The following LRMDA variants were observed in gnomAD, a reference collection of about 807,000 sequenced individuals.
LRMDA encodes leucine rich melanocyte differentiation associated.
A neutral mutation model predicts 29.8 loss-of-function variants in LRMDA; 18 were observed. The ratio of observed to expected loss-of-function variants is 0.60; its 90% CI spans 0.42 to 0.90. The LOEUF (loss-of-function observed/expected upper bound fraction) is 0.90. Ranked by LOEUF, LRMDA falls within the 40% of genes least tolerant of loss-of-function variation. LRMDA has a pLI of 0.00. For missense variants in LRMDA, 273 were observed against 273.9 expected, an observed-to-expected ratio of 1.00 and a Z score of 0.02; for synonymous variants, 125 against 109.4, an observed-to-expected ratio of 1.14 and a Z score of -0.89.
chr10:75,827,739 C>T (rs780422752), intron 2 of LRMDA, among the ~76,000 whole-genome samples: 4 of 152,220 alleles, frequency 2.6e-5, no homozygotes, highest in East Asian at 1.9e-4. Flanking sequence ...GCAGAATGTA[C>T]GTTATCCATC....
intron 2 of LRMDA, among the ~76,000 whole-genome samples, chr10:75,818,238 T>C (rs1183636020): frequency 1.3e-5 from 2 of 151,900 alleles, no homozygotes; most frequent in African/African-American, 2.4e-5. Flanking sequence ...AGGGGGTTTG[T>C]GGGGTAAGAG....
chr10:75,928,619 G>T (rs1035953670), intron 2 of LRMDA, among the ~76,000 whole-genome samples: 4 of 152,144 alleles, frequency 2.6e-5, no homozygotes, highest in Admixed American at 6.5e-5. Flanking sequence ...TAGTAAAATG[G>T]ATTTAATGCT....
intron 4 of LRMDA, among the ~76,000 whole-genome samples, chr10:76,055,631 A>G (rs1848601267): frequency 6.6e-6 from 1 of 152,184 alleles, no homozygotes; most frequent in Non-Finnish European, 1.5e-5. Context: ...TGGAGTGGTA[A>G]GGGGTACATG....
intron 2 of LRMDA, among the ~76,000 whole-genome samples, chr10:75,905,399 T>C (rs1845742141): frequency 6.6e-6 from 1 of 152,160 alleles, no homozygotes; most frequent in Non-Finnish European, 1.5e-5. Context: ...TAATCTATTG[T>C]ATGTTTTGAA....
chr10:76,164,005 T>G (rs186670772), intron 5 of LRMDA, among the ~76,000 whole-genome samples: 1 of 152,198 alleles, frequency 6.6e-6, no homozygotes, highest in Non-Finnish European at 1.5e-5. Context: ...TTCTTAATAT[T>G]GTGAGCTCAT....
chr10:75,608,809 C>G (rs747588241), intron 2 of LRMDA, among the ~76,000 whole-genome samples: 1 of 152,138 alleles, frequency 6.6e-6, no homozygotes, highest in Non-Finnish European at 1.5e-5. Context: ...GCACTTCACA[C>G]CAGGGTCTAG....
intron 2 of LRMDA, among the ~76,000 whole-genome samples, chr10:75,584,408 C>CT (rs1840632849): frequency 6.6e-6 from 1 of 152,104 alleles, no homozygotes; most frequent in South Asian, 2.1e-4. Flanking sequence ...TTTTTTGTGT[C>CT]TTTTTCCCCA....
intron 5 of LRMDA, among the ~76,000 whole-genome samples, chr10:76,196,654 T>G (rs1851336651): frequency 6.6e-6 from 1 of 152,238 alleles, no homozygotes; most frequent in Non-Finnish European, 1.5e-5. Context: ...CCTTAATCAT[T>G]AAGTGTTCTC....
chr10:75,708,809 C>T lies in LRMDA; in HGVS notation c.131+270315C>T, dbSNP rs908557056. 2.0e-5 allele frequency among the ~76,000 whole-genome samples: 3 copies of T among 152,218 alleles called. No homozygotes were observed. The East Asian group carries it at 5.8e-4, about 29-fold the overall frequency. On this transcript the variant is annotated intron_variant, in intron 2 of 6. Coordinates refer to ENST00000611255, the MANE Select transcript of LRMDA (RefSeq NM_001305581.2). The stretch of plus-strand genomic sequence containing the variant: ...GTCAAAACACCCCACCCAGTTTTGT[C>T]TGCTTTTCCCATAGCAGCAGCTCTC...
rs11271217 is a variant in LRMDA, at chr10:75,608,129, T to TATATATATATACAC, written c.131+169636_131+169637insTATATATATACACA. The stretch of plus-strand genomic sequence containing the variant: ...GTGTGTGTATATATATATATATATA[T>TATATATATATACAC]ACACACACATACACAAAGCAATATT... On this transcript the variant is annotated intron_variant, in intron 2 of 6. Coordinates refer to ENST00000611255, the MANE Select transcript of LRMDA (RefSeq NM_001305581.2). Among the ~76,000 whole-genome samples the TATATATATATACAC allele has an allele frequency of 3.8e-3, 340 of 89,538 alleles. 6 individuals carry two copies. Among genetic ancestry groups the TATATATATATACAC allele is most frequent in the Non-Finnish European group, 6.8e-3 (250 of 36,974 alleles). The allele number at this position is 89,538 out of a possible 152,430, so 58.7% of individuals were successfully genotyped here. A position where few individuals can be genotyped will look rare whatever the true frequency, so the allele number is the denominator to read the frequency against.
chr10:76,087,156 C>T (rs1176924869), intron 5 of LRMDA, among the ~76,000 whole-genome samples: 1 of 152,122 alleles, frequency 6.6e-6, no homozygotes, highest in African/African-American at 2.4e-5. Flanking sequence ...CAGTGCACCC[C>T]AGTGTCAGGT....
chr10:75,530,648 G>A (rs1845466528), intron 2 of LRMDA, among the ~76,000 whole-genome samples: 1 of 152,154 alleles, frequency 6.6e-6, no homozygotes, highest in African/African-American at 2.4e-5. Flanking sequence ...TTCACTGTGG[G>A]AATGGCTTTT....
intron 6 of LRMDA, among the ~76,000 whole-genome samples, chr10:76,340,697 A>G (rs1358981586): frequency 6.6e-6 from 1 of 152,068 alleles, no homozygotes; most frequent in African/African-American, 2.4e-5. Flanking sequence ...AATTTCCATC[A>G]AAGTCTCAGA....
intron 2 of LRMDA, among the ~76,000 whole-genome samples, chr10:75,772,098 G>A (rs1181035001): frequency 6.6e-6 from 1 of 152,192 alleles, no homozygotes; most frequent in African/African-American, 2.4e-5. Flanking sequence ...TGTAGCTGCA[G>A]CTATGCTCTA....
intron 2 of LRMDA, among the ~76,000 whole-genome samples, chr10:75,882,171 G>A (rs1045997859): frequency 6.6e-6 from 1 of 152,186 alleles, no homozygotes; most frequent in Non-Finnish European, 1.5e-5. Context: ...GAAGGAAGAC[G>A]GGCAAAACTG....
In LRMDA at chr10:76,103,029, C is replaced by T. The variant is rs559436599; in HGVS notation, c.516+44246C>T. Among the ~76,000 whole-genome samples the T allele has an allele frequency of 1.5e-3, 227 of 152,216 alleles. 3 individuals are homozygous for T. The highest frequency in any genetic ancestry group is 5.6e-3 in the Admixed American group (85 of 15,292). On this transcript the variant is annotated intron_variant, in intron 5 of 6. Coordinates refer to ENST00000611255, the MANE Select transcript of LRMDA (RefSeq NM_001305581.2). Reference sequence around the variant, plus strand: ...ATTGCCGGGTCATGTGGTAATTCTACGTTTAATGTTTTAAGGAACCTACTA... The same window carrying T: ...ATTGCCGGGTCATGTGGTAATTCTATGTTTAATGTTTTAAGGAACCTACTA...
chr10:76,149,085 G>C (rs947114226), intron 5 of LRMDA, among the ~76,000 whole-genome samples: 11 of 152,064 alleles, frequency 7.2e-5, no homozygotes, highest in Admixed American at 7.2e-4. Flanking sequence ...TTATTTTTGA[G>C]GACAATTAAG....
intron 5 of LRMDA, among the ~76,000 whole-genome samples, chr10:76,313,955 A>G (rs547731242): frequency 2.5e-4 from 38 of 152,278 alleles, no homozygotes; most frequent in African/African-American, 7.9e-4. Context: ...TTTGTTAATG[A>G]CATAAGAAAC....
At chr10:76,402,554 A>G (rs1841860198) in intron 6 of LRMDA, among the ~76,000 whole-genome samples, 1 of 151,992 alleles carries the variant, frequency 6.6e-6, no homozygotes, top group Middle Eastern at 3.2e-3. Flanking sequence ...GGGTCTAGGT[A>G]TGTTGCACTG....
Sources: allele counts gnomAD v4.1 joint callset (sites outside exome capture counted in the v4.1 genomes callset), GRCh38; gene constraint gnomAD v4.1.1; transcripts MANE v1.5; gene names NCBI Gene and HGNC (gene_info 2026-07-23, HGNC 2026-07-21).